ZC3H6: variants seen among roughly 807,000 people sequenced by gnomAD.
The protein encoded by ZC3H6 is zinc finger CCCH domain-containing protein 6.
A neutral mutation model predicts 107.7 loss-of-function variants in ZC3H6; 40 were observed. The observed-to-expected ratio is 0.37, with a 90% CI of 0.29 to 0.48. The LOEUF (loss-of-function observed/expected upper bound fraction) is 0.48, where lower values mean the gene tolerates loss of function less well. ZC3H6 is among the 20% of genes least tolerant of loss of function. The pLI is 0.98. For synonymous variants in ZC3H6, 493 were observed against 487.9 expected, an observed-to-expected ratio of 1.01 and a Z score of -0.14; for missense variants, 1,267 against 1,410.4, an observed-to-expected ratio of 0.90 and a Z score of 1.63.
Position 112,332,539 on chromosome 2 carries a change from C to T in ZC3H6, c.*51C>T. The T allele has an allele frequency of 3.9e-6, 6 of 1,522,206 alleles. No homozygotes were observed. The highest frequency in any genetic ancestry group is 5.3e-6 in the Non-Finnish European group (6 of 1,134,082). The allele number at this position is 1,522,206 out of a possible 1,614,324, so 94.3% of individuals were successfully genotyped here. A position where few individuals can be genotyped will look rare whatever the true frequency, so the allele number is the denominator to read the frequency against. ...TCACTCTTGTGACTATCTCAGTCCT[C>T]TGCTGTTTTGTAACTGGTTTACCTC... is the stretch of plus-strand genomic sequence containing the variant. On this transcript the variant is annotated 3_prime_UTR_variant, in exon 12 of 12. Transcript: ENST00000409871.
intron 1 of ZC3H6, among the ~76,000 whole-genome samples, chr2:112,278,675 A>G (rs1193192890): frequency 6.6e-6 from 1 of 152,250 alleles, no homozygotes; most frequent in African/African-American, 2.4e-5. Context: ...TATGCAGGAA[A>G]AAAAATGAAG....
intron 1 of ZC3H6, among the ~76,000 whole-genome samples, chr2:112,291,422 CG>C (rs1379859225): frequency 3.9e-5 from 6 of 152,080 alleles, no homozygotes; most frequent in Non-Finnish European, 8.8e-5. Context: ...TTAGTAGAGA[CG>C]GGGTTTCGCC....
chr2:112,327,221 G>C (rs1412808723), intron 11 of ZC3H6, among the ~76,000 whole-genome samples: 1 of 152,052 alleles, frequency 6.6e-6, no homozygotes, highest in African/African-American at 2.4e-5. Flanking sequence ...ATTTTAACTG[G>C]GGTGAGATGA....
rs750963232 is a variant in ZC3H6 at position 112,331,588 on chromosome 2, T to G, written c.2670T>G (p.Pro890=). 6.2e-7 allele frequency: 1 copy of G among 1,613,930 alleles called. No homozygotes were observed. The highest frequency in any genetic ancestry group is 2.2e-5 in the East Asian group (1 of 44,886). The change falls in exon 12 of 12, where the codon CCT becomes CCG. Residue 890 remains proline, a synonymous_variant. Transcript: ENST00000409871. ...AAGACTTACTTCCAGTACCTTTACC[T>G]AAACCTGATCCAGTGTCTTCAATCA... is the stretch of plus-strand genomic sequence containing the variant. The part of the protein sequence containing the change: ...APEDLLPVPL[P]KPDPVSSINL...
chr2:112,318,128 G>A (rs1036178520), intron 7 of ZC3H6, among the ~76,000 whole-genome samples: 16 of 151,744 alleles, frequency 1.1e-4, no homozygotes, highest in African/African-American at 3.4e-4. Flanking sequence ...TTCTGTTGTC[G>A]TGTTTAAAAA....
chr2:112,338,568 A>T lies in ZC3H6; in HGVS notation c.*6080A>T, dbSNP rs1677173944. The T allele has an allele frequency of 6.6e-6, 1 of 152,104 alleles. No individual in the cohort carries two copies. The highest frequency in any genetic ancestry group is 2.4e-5 in the African/African-American group (1 of 41,428). 9.4% of individuals were successfully genotyped at this position (152,104 alleles called of 1,614,324 possible). A position where few individuals can be genotyped will look rare whatever the true frequency, so the allele number is the denominator to read the frequency against. ...TTTTTTAAGCTTAGAGTTTATAAGA[A>T]AAAAGTGAATATATAGCTAATTATA... On this transcript the variant is annotated 3_prime_UTR_variant, in exon 12 of 12. Coordinates refer to ENST00000409871, the MANE Select transcript of ZC3H6 (RefSeq NM_198581.3).
Position 112,324,223 on chromosome 2 carries a change from A to T in ZC3H6, c.1412A>T (p.His471Leu). ...QFQGSSPHPQ[H>L]IYSSGSSPGP... ...CAGGGAAGCAGTCCACACCCTCAAC[A>T]TATCTATAGTTCTGGGTCAAGTCCA... Residue 471 changes from histidine to leucine, a missense_variant, in exon 10 of 12, where the codon CAT becomes CTT. By Grantham distance (99) the His-to-Leu change is moderately conservative (BLOSUM62 -3). This residue lies in a region of ZC3H6 where 925 missense variants were observed against 1,025.7 expected (regional missense o/e 0.90). Transcript: ENST00000409871. The T allele has an allele frequency of 6.2e-7, 1 of 1,610,002 alleles. No individual in the cohort carries two copies. Among genetic ancestry groups the T allele is most frequent in the Non-Finnish European group, 8.5e-7 (1 of 1,176,556 alleles).
intron 1 of ZC3H6, among the ~76,000 whole-genome samples, chr2:112,278,231 C>T (rs1023610547): frequency 6.6e-6 from 1 of 152,190 alleles, no homozygotes; most frequent in Middle Eastern, 3.2e-3. Context: ...CTATTTTATG[C>T]TGTTATAAAA....
Position 112,324,322 on chromosome 2 carries a change from G to C in ZC3H6, c.1511G>C (p.Cys504Ser). 6.2e-7 allele frequency: 1 copy of C among 1,613,976 alleles called. No homozygotes were observed. Among genetic ancestry groups the C allele is most frequent in the African/African-American group, 1.3e-5 (1 of 75,052 alleles). Residue 504 changes from cysteine (C) to serine (S), a missense_variant, in exon 10 of 12, where the codon TGT becomes TCT. Around this residue, in one of 3 missense-constraint regions of ZC3H6, gnomAD observed 925 missense variants for 1,025.7 expected, o/e 0.90. Transcript: ENST00000409871. ...CCAGGCTCCCCTGGACATCACCCAT[G>C]TGCAGGACCTCCTGGTCTACCAGTG... The part of the protein sequence containing the change: ...MHPGSPGHHP[C>S]AGPPGLPVPQ...
At position 112,324,022 on chromosome 2, in the gene ZC3H6, T is replaced by C. The variant is rs1346231630; in HGVS notation, c.1341-130T>C. The C allele has an allele frequency of 1.1e-5, 11 of 994,240 alleles. No homozygotes were observed. In the East Asian group the frequency reaches 2.6e-4, roughly 24 times the overall value. The allele number at this position is 994,240 out of a possible 1,614,324, so 61.6% of individuals were successfully genotyped here. On this transcript the variant is annotated intron_variant, in intron 9 of 11. Transcript: ENST00000409871. ...TACCTATCGACGCTATGGAACAAAT[T>C]GCTTCTTAAACACACAGTATTCTAT...
In ZC3H6 at chr2:112,332,359, TC is replaced by T; in HGVS notation, c.3443del (p.Pro1148GlnfsTer27). On this transcript the variant is annotated frameshift_variant, in exon 12 of 12. Coordinates refer to ENST00000409871, the MANE Select transcript of ZC3H6 (RefSeq NM_198581.3). LOFTEE classifies it high-confidence loss of function. ...GCTTAATTAGGCCACAGTACAGTGA[TC>T]CAAGGCAGGCAAGGCAGCCAGGACA... ...TGLIRPQYSD[P>X]RQARQPGQGS... 6.2e-7 allele frequency: 1 copy of T among 1,613,846 alleles called. No individual in the cohort carries two copies. The highest frequency in any genetic ancestry group is 8.5e-7 in the Non-Finnish European group (1 of 1,179,864).
chr2:112,291,240 C>T (rs1489915859), intron 1 of ZC3H6, among the ~76,000 whole-genome samples: 1 of 149,642 alleles, frequency 6.7e-6, no homozygotes, highest in African/African-American at 2.4e-5. Flanking sequence ...CAATAAAATA[C>T]TTTTTTTTTT....
At chr2:112,293,051 A>G (rs1190832207) in intron 1 of ZC3H6, among the ~76,000 whole-genome samples, 3 of 152,174 alleles carry the variant, frequency 2.0e-5, no homozygotes, top group Non-Finnish European at 4.4e-5. Flanking sequence ...AAATTAGGAG[A>G]GCCATGTGTA....
At chr2:112,317,095 A>G (rs770181127) in intron 6 of ZC3H6, 126 bp from the exon 7 acceptor site, 31 of 585,934 alleles carry the variant, frequency 5.3e-5, no homozygotes, top group Non-Finnish European at 8.9e-5. Flanking sequence ...GTTCATTATT[A>G]AAGACTGAAG....
At chr2:112,277,293 T>C (rs531689690) in intron 1 of ZC3H6, among the ~76,000 whole-genome samples, 1 of 152,346 alleles carries the variant, frequency 6.6e-6, no homozygotes, top group East Asian at 1.9e-4. Flanking sequence ...CGTTATCTTT[T>C]GTATTAAAAA....
intron 1 of ZC3H6, among the ~76,000 whole-genome samples, chr2:112,277,298 TAA>T (rs1438620887): frequency 6.6e-6 from 1 of 152,214 alleles, no homozygotes; most frequent in Non-Finnish European, 1.5e-5. Context: ...TCTTTTGTAT[TAA>T]AAAGGAAATT....
chr2:112,288,225 T>A (rs1481976683), intron 1 of ZC3H6, among the ~76,000 whole-genome samples: 1 of 151,954 alleles, frequency 6.6e-6, no homozygotes, highest in Non-Finnish European at 1.5e-5. Flanking sequence ...TTTTTAAACC[T>A]ATTCCAGATA....
Position 112,337,940 on chromosome 2 carries a change from ATTATTTATTTTTAT to A in ZC3H6, c.*5465_*5478del, listed in dbSNP as rs1677162637. On this transcript the variant is annotated 3_prime_UTR_variant, in exon 12 of 12. Coordinates refer to ENST00000409871, the MANE Select transcript of ZC3H6 (RefSeq NM_198581.3). The stretch of plus-strand genomic sequence containing the variant: ...CCTGGCCCAGTCTTTTTTTTTAATT[ATTATTTATTTTTAT>A]TTATTTATTTTTTGAGACGGAGTCT... 6.7e-6 allele frequency: 1 copy of A among 149,432 alleles called. No homozygotes were observed. The highest frequency in any genetic ancestry group is 2.5e-5 in the African/African-American group (1 of 40,458). 9.3% of individuals were successfully genotyped at this position (149,432 alleles called of 1,614,324 possible).
intron 3 of ZC3H6, among the ~76,000 whole-genome samples, chr2:112,306,514 T>C (rs2104709850): frequency 6.6e-6 from 1 of 152,312 alleles, no homozygotes; most frequent in East Asian, 1.9e-4. Flanking sequence ...TTGCTGGTTC[T>C]CTTTCATGTG....
Sources: gnomAD v4.1 joint callset for allele counts (sites outside exome capture counted in the v4.1 genomes callset) on GRCh38, gnomAD v4.1.1 for gene constraint, gnomAD v4.1.1 regional missense constraint, MANE v1.5 for transcripts, NCBI Gene and HGNC (gene_info 2026-07-23, HGNC 2026-07-21) for gene names.